LNX1: variants seen among roughly 807,000 people sequenced by gnomAD.
LNX1 encodes the protein E3 ubiquitin-protein ligase LNX.
In LNX1, 54 loss-of-function variants were observed where a neutral mutation model predicts 68.4. That is an observed-to-expected ratio of 0.79 (90% CI 0.63 to 0.99). LNX1 has a LOEUF of 0.99. Among genes scored for constraint, LNX1 ranks in the 50% least tolerant of loss-of-function variants. The probability of loss-of-function intolerance (pLI) is 0.00; values close to 1 mark genes in which losing one functional copy is unlikely to be tolerated. For missense variants in LNX1, 906 were observed against 926.4 expected, an observed-to-expected ratio of 0.98 and a Z score of 0.29; for synonymous variants, 336 against 350.0, an observed-to-expected ratio of 0.96 and a Z score of 0.45.
At chr4:53,472,567 G>C (rs1723278337) in intron 9 of LNX1, among the ~76,000 whole-genome samples, 1 of 151,276 alleles carries the variant, frequency 6.6e-6, no homozygotes, top group Non-Finnish European at 1.5e-5. Flanking sequence ...CTTACAACAT[G>C]CCTGAAAATA....
intron 7 of LNX1, among the ~76,000 whole-genome samples, chr4:53,479,000 T>C (rs1723745256): frequency 6.6e-6 from 1 of 152,234 alleles, no homozygotes; most frequent in Admixed American, 6.5e-5. Context: ...AGATAAAGTT[T>C]ACACTTCAAA....
At chr4:53,495,557 T>TTTTTGTTTTTTTTTTTTTTTTTTTTTTG in intron 6 of LNX1, among the ~76,000 whole-genome samples, 1 of 150,556 alleles carries the variant, frequency 6.6e-6, no homozygotes, top group Non-Finnish European at 1.5e-5. Context: ...GCTTTTTTTT[T>TTTTTGTTTTTTTTTTTTTTTTTTTTTTG]TTTTAAGATG....
intron 1 of LNX1, among the ~76,000 whole-genome samples, chr4:53,577,036 G>C (rs1936281793): frequency 6.6e-6 from 1 of 152,172 alleles, no homozygotes; most frequent in South Asian, 2.1e-4. Context: ...CATCAGATAG[G>C]ACCACAGAAG....
intron 9 of LNX1, among the ~76,000 whole-genome samples, chr4:53,469,822 C>T (rs900272789): frequency 2.0e-5 from 3 of 152,192 alleles, no homozygotes; most frequent in Non-Finnish European, 4.4e-5. Context: ...ACACCAATAA[C>T]AGGCTCTGAA....
At chr4:53,535,680 G>A (rs1279844652) in intron 2 of LNX1, among the ~76,000 whole-genome samples, 1 of 152,250 alleles carries the variant, frequency 6.6e-6, no homozygotes, top group Non-Finnish European at 1.5e-5. Context: ...CCAGGGAAAT[G>A]AGTTGAGTTT....
intron 1 of LNX1, among the ~76,000 whole-genome samples, chr4:53,635,408 G>T (rs1486881392): frequency 6.6e-6 from 1 of 152,088 alleles, no homozygotes; most frequent in Non-Finnish European, 1.5e-5. Flanking sequence ...AAGTTTAAAA[G>T]AATCACATTT....
chr4:53,540,874 C>T (rs1043910914), intron 2 of LNX1, among the ~76,000 whole-genome samples: 11 of 151,798 alleles, frequency 7.2e-5, no homozygotes, highest in Admixed American at 1.3e-4. Context: ...TGGTGGCTGA[C>T]GCCTGTAATC....
At chr4:53,542,236 G>A (rs566294712) in intron 2 of LNX1, among the ~76,000 whole-genome samples, 2 of 152,306 alleles carry the variant, frequency 1.3e-5, no homozygotes, top group African/African-American at 2.4e-5. Context: ...CAGAAAACCA[G>A]GGATAAATAA....
At chr4:53,465,092 T>G (rs1722571571) in intron 9 of LNX1, among the ~76,000 whole-genome samples, 1 of 152,224 alleles carries the variant, frequency 6.6e-6, no homozygotes, top group Admixed American at 6.5e-5. Context: ...ATTTTGCCCT[T>G]TGATGTTATT....
chr4:53,625,827 A>C (rs1734049400), intron 1 of LNX1, among the ~76,000 whole-genome samples: 2 of 144,008 alleles, frequency 1.4e-5, no homozygotes, highest in South Asian at 2.3e-4. Flanking sequence ...TTACCATATG[A>C]CCCAGCAATT....
At chr4:53,648,635 C>T (rs1443894993) in intron 1 of LNX1, among the ~76,000 whole-genome samples, 2 of 152,134 alleles carry the variant, frequency 1.3e-5, no homozygotes, top group Admixed American at 6.5e-5. Flanking sequence ...TCTGTGCTTC[C>T]ACTTTTGTCT....
At chr4:53,492,513 G>GAGAGAGAGAGAGAGAGAGAGAC (rs1724757556) in intron 6 of LNX1, among the ~76,000 whole-genome samples, 4 of 147,890 alleles carry the variant, frequency 2.7e-5, no homozygotes, top group Non-Finnish European at 4.5e-5. Context: ...CTCTGAGAGA[G>GAGAGAGAGAGAGAGAGAGAGAC]AGAGAGAGAG....
intron 1 of LNX1, among the ~76,000 whole-genome samples, chr4:53,635,316 G>A (rs1374439223): frequency 2.0e-5 from 3 of 152,106 alleles, no homozygotes; most frequent in Non-Finnish European, 4.4e-5. Context: ...CCCCCCTTCC[G>A]GATGTGCCTG....
chr4:53,459,611 T>TAAG lies in LNX1; in HGVS notation c.*1293_*1295dup, dbSNP rs1560597717. ...AAATAAAAGAGTGAATTTTTCATGT[T>TAAG]AAGTTAAAAATCTTTGTCTTGTACT... On this transcript the variant is annotated 3_prime_UTR_variant, in exon 11 of 11. Transcript: ENST00000263925. 5.1e-6 allele frequency: 5 copies of TAAG among 987,204 alleles called. No homozygotes were observed. In the South Asian group the frequency reaches 6.3e-5, roughly 12 times the overall value. 61.2% of individuals were successfully genotyped at this position (987,204 alleles called of 1,614,324 possible).
upstream of LNX1, among the ~76,000 whole-genome samples, chr4:53,594,906 C>T (rs111507989): frequency 0.01 from 1,540 of 151,928 alleles, 26 homozygotes; most frequent in African/African-American, 0.035. Flanking sequence ...GAGATGAGGT[C>T]TCACTATGGT....
intron 1 of LNX1, among the ~76,000 whole-genome samples, chr4:53,578,948 G>T (rs1158195610): frequency 6.6e-6 from 1 of 150,914 alleles, no homozygotes; most frequent in Non-Finnish European, 1.5e-5. Flanking sequence ...CTCCCTGGTG[G>T]TTCTTATTTG....
intron 2 of LNX1, among the ~76,000 whole-genome samples, chr4:53,527,056 A>AT (rs1318335105): frequency 2.7e-5 from 4 of 150,846 alleles, no homozygotes; most frequent in African/African-American, 9.7e-5. Flanking sequence ...GCCCCTAAAA[A>AT]AAAAAAAAAA....
chr4:53,506,809 T>TCATGCCGC (rs1199249127), intron 4 of LNX1, among the ~76,000 whole-genome samples: 1 of 133,408 alleles, frequency 7.5e-6, no homozygotes, highest in Non-Finnish European at 1.6e-5. Context: ...TGAGCCGAGA[T>TCATGCCGC]CATGCCGCCG....
intron 6 of LNX1, among the ~76,000 whole-genome samples, chr4:53,493,792 T>C (rs1724862842): frequency 6.6e-6 from 1 of 152,248 alleles, no homozygotes; most frequent in Non-Finnish European, 1.5e-5. Flanking sequence ...ATAGACTTGC[T>C]GGATAATTGA....
Sources: gnomAD v4.1 joint callset for allele counts (sites outside exome capture counted in the v4.1 genomes callset) on GRCh38, gnomAD v4.1.1 for gene constraint, MANE v1.5 for transcripts, NCBI Gene and HGNC (gene_info 2026-07-23, HGNC 2026-07-21) for gene names.